PRKCB: variants seen among roughly 807,000 people sequenced by gnomAD.
PRKCB encodes the protein protein kinase C beta type.
A neutral mutation model predicts 81.5 loss-of-function variants in PRKCB; 13 were observed. That is an observed-to-expected ratio of 0.16 (90% CI 0.10 to 0.25). The LOEUF is 0.25. Among genes scored for constraint, PRKCB ranks in the 10% least tolerant of loss-of-function variants. PRKCB has a pLI of 1.00. For missense variants in PRKCB, 509 were observed against 875.7 expected, an observed-to-expected ratio of 0.58 and a Z score of 5.29; for synonymous variants, 335 against 321.4, an observed-to-expected ratio of 1.04 and a Z score of -0.45.
chr16:24,051,541 CCAGGGT>C lies in PRKCB; in HGVS notation c.529+15998_529+16003del, dbSNP rs903997917. Among the ~76,000 whole-genome samples, 51 of 152,062 alleles carry C rather than the reference CCAGGGT, an allele frequency of 3.4e-4. 1 individual carries two copies. Among genetic ancestry groups the C allele is most frequent in the Non-Finnish European group, 1.0e-4 (7 of 68,010 alleles). On this transcript the variant is annotated intron_variant, in intron 5 of 16. Coordinates refer to ENST00000643927, the MANE Select transcript of PRKCB (RefSeq NM_002738.7). ...GCTAGCCCTGGGACAGACAGTTTCT[CCAGGGT>C]CAGCAAGGCTCCGAGACACCAAAGC...
intron 3 of PRKCB, among the ~76,000 whole-genome samples, chr16:24,030,153 C>T (rs1965533316): frequency 6.6e-6 from 1 of 152,192 alleles, no homozygotes; most frequent in African/African-American, 2.4e-5. Context: ...CCACCTTGGC[C>T]TCTCAAAGTG....
At chr16:24,020,893 G>A (rs1326581018) in intron 3 of PRKCB, among the ~76,000 whole-genome samples, 1 of 152,072 alleles carries the variant, frequency 6.6e-6, no homozygotes, top group South Asian at 2.1e-4. Context: ...CCTTATTCCT[G>A]CAGTTTTACT....
chr16:23,977,412 T>C (rs1179044894), intron 2 of PRKCB, among the ~76,000 whole-genome samples: 3 of 152,106 alleles, frequency 2.0e-5, no homozygotes, highest in African/African-American at 7.2e-5. Context: ...CCCCATTAAA[T>C]CAGAATCTCT....
At chr16:23,837,482 T>A (rs1261760604) in intron 2 of PRKCB, 76 bp downstream of exon 2, 13 of 1,541,606 alleles carry the variant, frequency 8.4e-6, no homozygotes. Context: ...AGTTACTGAG[T>A]TAGGCAGAGA....
chr16:23,844,729 G>T lies in PRKCB; in HGVS notation c.205+7323G>T, dbSNP rs886472313. Among the ~76,000 whole-genome samples the T allele has an allele frequency of 6.0e-5, 9 of 150,284 alleles. No individual in the cohort carries two copies. The East Asian group carries it at 1.4e-3, about 23-fold the overall frequency. Reference sequence around the variant, plus strand: ...TCACCATGTTAGCCAGGATGGTATCGATCTCCTGACATTGTGATCCTCCTG... The same window carrying T: ...TCACCATGTTAGCCAGGATGGTATCTATCTCCTGACATTGTGATCCTCCTG... On this transcript the variant is annotated intron_variant, in intron 2 of 16. Transcript: ENST00000643927.
chr16:23,882,021 T>TCTCTTTCTTTCTTCCTTC (rs1555481693), intron 2 of PRKCB, among the ~76,000 whole-genome samples: 11 of 55,636 alleles, frequency 2.0e-4, no homozygotes, highest in African/African-American at 4.7e-4. Context: ...TTTCTTTCTT[T>TCTCTTTCTTTCTTCCTTC]CTTCCTTCCT....
chr16:24,084,730 A>G (rs1966291385), intron 5 of PRKCB, among the ~76,000 whole-genome samples: 1 of 152,184 alleles, frequency 6.6e-6, no homozygotes, highest in Non-Finnish European at 1.5e-5. Flanking sequence ...AAAAACATAT[A>G]ATACCAAAGA....
intron 9 of PRKCB, among the ~76,000 whole-genome samples, chr16:24,137,114 C>G (rs1014268316): frequency 2.6e-5 from 4 of 151,136 alleles, no homozygotes; most frequent in East Asian, 1.9e-4. Flanking sequence ...GTCTTGAACT[C>G]CTGACCTCAA....
chr16:24,034,982 G>C (rs544599547), intron 4 of PRKCB, among the ~76,000 whole-genome samples: 1 of 152,282 alleles, frequency 6.6e-6, no homozygotes, highest in South Asian at 2.1e-4. Flanking sequence ...GAGCTGTCAC[G>C]TACACATCGA....
chr16:24,087,428 C>G (rs1023269146), intron 5 of PRKCB, among the ~76,000 whole-genome samples: 1 of 152,230 alleles, frequency 6.6e-6, no homozygotes, highest in African/African-American at 2.4e-5. Flanking sequence ...TTGGTGGGCA[C>G]TCAGGTTATT....
At position 23,882,029 on chromosome 16, in the gene PRKCB, C is replaced by CT. The variant is rs1567301160; in HGVS notation, c.205+44623_205+44624insT. On this transcript the variant is annotated intron_variant, in intron 2 of 16. Transcript: ENST00000643927. ...TTCTTTCTTTCTTTCTTTCTTCCTT[C>CT]CTTCCTTCCTTCCTTCCTTCCTTCC... Among the ~76,000 whole-genome samples the CT allele has an allele frequency of 1.3e-3, 32 of 24,886 alleles. 1 individual carries two copies. Among genetic ancestry groups the CT allele is most frequent in the East Asian group, 5.9e-3 (1 of 170 alleles). The allele number at this position is 24,886 out of a possible 152,430, so 16.3% of individuals were successfully genotyped here.
chr16:23,836,770 G>GGGT (rs1555477163), intron 1 of PRKCB, among the ~76,000 whole-genome samples: 12 of 151,320 alleles, frequency 7.9e-5, no homozygotes, highest in African/African-American at 1.2e-4. Flanking sequence ...CTTGTTTCCG[G>GGGT]GGGGGGCGGC....
At chr16:24,106,295 A>T (rs977814897) in intron 7 of PRKCB, among the ~76,000 whole-genome samples, 1 of 152,164 alleles carries the variant, frequency 6.6e-6, no homozygotes, top group African/African-American at 2.4e-5. Context: ...ATTAGTTAAT[A>T]TAAGTGAGGT....
At chr16:24,085,712 C>G (rs570376262) in intron 5 of PRKCB, among the ~76,000 whole-genome samples, 132 of 152,254 alleles carry the variant, frequency 8.7e-4, no homozygotes, top group Admixed American at 8.4e-3. Flanking sequence ...AGTGAGATCA[C>G]CCAGTTAGTG....
At chr16:24,125,506 G>A (rs955435114) in intron 9 of PRKCB, among the ~76,000 whole-genome samples, 2 of 152,270 alleles carry the variant, frequency 1.3e-5, no homozygotes, top group South Asian at 2.1e-4. Flanking sequence ...CAACTTAGAC[G>A]CCACTTCTTC....
At chr16:24,065,233 C>T (rs1173982596) in intron 5 of PRKCB, among the ~76,000 whole-genome samples, 3 of 151,454 alleles carry the variant, frequency 2.0e-5, no homozygotes, top group African/African-American at 7.3e-5. Context: ...TCTATATCTA[C>T]CACTTCCTAT....
At chr16:23,981,671 T>TTCCCCTTCC (rs1964707680) in intron 2 of PRKCB, among the ~76,000 whole-genome samples, 1 of 86,630 alleles carries the variant, frequency 1.2e-5, no homozygotes, top group Admixed American at 1.2e-4. Flanking sequence ...TTTCCCTTTC[T>TTCCCCTTCC]CTTCCCCTTC....
At chr16:24,053,950 G>A (rs1965874492) in intron 5 of PRKCB, among the ~76,000 whole-genome samples, 1 of 152,146 alleles carries the variant, frequency 6.6e-6, no homozygotes, top group African/African-American at 2.4e-5. Context: ...TGTGACTCTA[G>A]TAGTTGTAAT....
intron 2 of PRKCB, among the ~76,000 whole-genome samples, chr16:23,960,537 G>A (rs985698591): frequency 6.6e-6 from 1 of 151,778 alleles, no homozygotes; most frequent in African/African-American, 2.4e-5. Context: ...AGGTAAACAC[G>A]TGCCATGGTG....
Sources: gnomAD v4.1 joint callset for allele counts (sites outside exome capture counted in the v4.1 genomes callset) on GRCh38, gnomAD v4.1.1 for gene constraint, MANE v1.5 for transcripts, NCBI Gene and HGNC (gene_info 2026-07-23, HGNC 2026-07-21) for gene names.